Variants in CDH18 observed in about 807,000 individuals in gnomAD.
The protein encoded by CDH18 is cadherin-18.
A neutral mutation model predicts 67.9 loss-of-function variants in CDH18; 31 were observed. That is an observed-to-expected ratio of 0.46 (90% CI 0.34 to 0.62). The LOEUF (loss-of-function observed/expected upper bound fraction) is 0.62. Among genes scored for constraint, CDH18 ranks in the 20% least tolerant of loss-of-function variants. The pLI, the probability that CDH18 is intolerant of heterozygous loss-of-function variation, is 0.01. For synonymous variants in CDH18, 362 were observed against 347.2 expected (o/e 1.04, Z -0.48); for missense variants, 890 against 975.5 (o/e 0.91, Z 1.17).
Position 20,239,907 on chromosome 5 carries a change from TA to T in CDH18, c.-518+15536del, listed in dbSNP as rs538664467. On this transcript the variant is annotated intron_variant, in intron 2 of 14. Transcript: ENST00000507958. The stretch of plus-strand genomic sequence containing the variant: ...GTTATGAGGTAAAAAAGTGTTGAAA[TA>T]AAAAAAAAATAAACAGAGAATATAG... 9.4e-3 allele frequency among the ~76,000 whole-genome samples: 1,360 copies of T among 144,432 alleles called. 25 individuals are homozygous for T. The highest frequency in any genetic ancestry group is 0.031 in the African/African-American group (1,233 of 39,320). The allele number at this position is 144,432 out of a possible 152,430, so 94.8% of individuals were successfully genotyped here. A position where few individuals can be genotyped will look rare whatever the true frequency, so the allele number is the denominator to read the frequency against.
At chr5:20,549,140 A>T (rs1348190294) in intron 1 of CDH18, among the ~76,000 whole-genome samples, 1 of 152,216 alleles carries the variant, frequency 6.6e-6, no homozygotes, top group Non-Finnish European at 1.5e-5. Context: ...ACTTAGAGTG[A>T]TTCTCAAATA....
At position 20,008,194 on chromosome 5, in the gene CDH18, G is replaced by A. The variant is rs529406237; in HGVS notation, c.-517-16180C>T. On this transcript the variant is annotated intron_variant, in intron 2 of 14. Transcript: ENST00000507958. ...GTGATGGCAATGCACAGTTTGCTTT[G>A]GGAATTATATAATATGAATGTTATT... 2.0e-5 allele frequency among the ~76,000 whole-genome samples: 3 copies of A among 151,910 alleles called. No individual in the cohort carries two copies. In the East Asian group the frequency reaches 5.8e-4, roughly 29 times the overall value.
At chr5:20,284,447 T>C (rs1211509855) in intron 1 of CDH18, among the ~76,000 whole-genome samples, 1 of 152,006 alleles carries the variant, frequency 6.6e-6, no homozygotes, top group Non-Finnish European at 1.5e-5. Context: ...ACAGTTTTTC[T>C]AACAAACAGA....
At chr5:20,043,167 T>C (rs1263227896) in intron 2 of CDH18, among the ~76,000 whole-genome samples, 4 of 152,016 alleles carry the variant, frequency 2.6e-5, no homozygotes, top group Admixed American at 6.6e-5. Context: ...ATCAGTAATG[T>C]CATGACTATC....
At chr5:19,940,505 C>T (rs867055165) in intron 2 of CDH18, among the ~76,000 whole-genome samples, 21 of 152,168 alleles carry the variant, frequency 1.4e-4, no homozygotes, top group African/African-American at 5.1e-4. Flanking sequence ...TCCAAATTTA[C>T]TATTTGGCTT....
At chr5:20,035,109 T>C (rs988901599) in intron 2 of CDH18, among the ~76,000 whole-genome samples, 4 of 152,032 alleles carry the variant, frequency 2.6e-5, no homozygotes, top group Admixed American at 2.6e-4. Context: ...TCCTGGGTCC[T>C]CCAGCAATTA....
At chr5:19,541,630 C>A (rs755503241) in intron 9 of CDH18, among the ~76,000 whole-genome samples, 1 of 152,106 alleles carries the variant, frequency 6.6e-6, no homozygotes, top group Middle Eastern at 3.2e-3. Context: ...TATTACATGG[C>A]GGCAGGCAAG....
chr5:20,105,795 C>T (rs542068283), intron 2 of CDH18, among the ~76,000 whole-genome samples: 82 of 152,322 alleles, frequency 5.4e-4, no homozygotes, highest in Non-Finnish European at 1.1e-3. Flanking sequence ...GCATATGCTA[C>T]ATTTTGCTCT....
At chr5:19,865,253 A>G (rs1278816193) in intron 2 of CDH18, among the ~76,000 whole-genome samples, 4 of 152,126 alleles carry the variant, frequency 2.6e-5, no homozygotes, top group South Asian at 2.1e-4. Context: ...GATGTCAAAT[A>G]CCAAGCATGA....
intron 9 of CDH18, among the ~76,000 whole-genome samples, chr5:19,527,385 C>T (rs1437315206): frequency 6.6e-6 from 1 of 151,552 alleles, no homozygotes; most frequent in Non-Finnish European, 1.5e-5. Flanking sequence ...GTAAAACTCT[C>T]ACAATGTCTG....
At chr5:19,478,481 G>A (rs1283487584) in intron 12 of CDH18, 1 of 152,162 alleles carries the variant, frequency 6.6e-6, no homozygotes, top group African/African-American at 2.4e-5. Flanking sequence ...ATTTGAAATA[G>A]CTCAAATGAA....
chr5:20,049,920 A>T (rs1741262507), intron 2 of CDH18, among the ~76,000 whole-genome samples: 1 of 151,822 alleles, frequency 6.6e-6, no homozygotes, highest in Admixed American at 6.6e-5. Flanking sequence ...TAAGAAAAAC[A>T]AACTTAATTA....
At chr5:19,980,263 C>G (rs531522051) in intron 2 of CDH18, among the ~76,000 whole-genome samples, 1 of 152,158 alleles carries the variant, frequency 6.6e-6, no homozygotes, top group South Asian at 2.1e-4. Context: ...TGAAAGACCT[C>G]TACAAGGAGA....
chr5:19,512,834 AT>A (rs1433812190), intron 10 of CDH18, among the ~76,000 whole-genome samples: 1 of 152,034 alleles, frequency 6.6e-6, no homozygotes, highest in Non-Finnish European at 1.5e-5. Flanking sequence ...GACATTTATT[AT>A]ATCTATGATC....
intron 9 of CDH18, among the ~76,000 whole-genome samples, chr5:19,522,693 G>T (rs964001545): frequency 1.4e-4 from 21 of 151,962 alleles, no homozygotes; most frequent in African/African-American, 4.8e-4. Context: ...TCAGGAGATC[G>T]AGACCAGCCT....
At chr5:19,636,668 G>T (rs2150203791) in intron 5 of CDH18, among the ~76,000 whole-genome samples, 2 of 151,066 alleles carry the variant, frequency 1.3e-5, no homozygotes, top group South Asian at 2.1e-4. Context: ...ATAATTTTTT[G>T]ATATCACTAT....
At chr5:19,954,755 CACTA>C (rs1487571202) in intron 2 of CDH18, among the ~76,000 whole-genome samples, 2 of 151,930 alleles carry the variant, frequency 1.3e-5, no homozygotes, top group African/African-American at 4.8e-5. Context: ...AACACACACA[CACTA>C]ACTCACACAT....
intron 1 of CDH18, among the ~76,000 whole-genome samples, chr5:19,981,976 C>T (rs1476753404): frequency 6.6e-6 from 1 of 152,028 alleles, no homozygotes; most frequent in Non-Finnish European, 1.5e-5. Context: ...CCCTTGTTTA[C>T]CAGCTTTCTT....
chr5:20,297,031 T>G (rs1354670614), intron 1 of CDH18, among the ~76,000 whole-genome samples: 1 of 152,042 alleles, frequency 6.6e-6, no homozygotes. Context: ...CTTTATTATG[T>G]TTTATCTATC....
Sources: gnomAD v4.1 joint callset for allele counts (sites outside exome capture counted in the v4.1 genomes callset) on GRCh38, gnomAD v4.1.1 for gene constraint, MANE v1.5 for transcripts, NCBI Gene and HGNC (gene_info 2026-07-23, HGNC 2026-07-21) for gene names.